Variants in PLEKHD1 observed in about 807,000 individuals in gnomAD.
PLEKHD1 encodes the protein pleckstrin homology domain-containing family D member 1.
PLEKHD1 carries 51 observed loss-of-function variants against 69.2 expected under a neutral mutation model. The ratio of observed to expected loss-of-function variants is 0.74; its 90% confidence interval spans 0.59 to 0.93. PLEKHD1 has a LOEUF of 0.93. PLEKHD1 is among the 40% of genes least tolerant of loss of function. The pLI is 0.00. For synonymous variants in PLEKHD1, 236 were observed against 244.7 expected (o/e 0.96, Z 0.33); for missense variants, 584 against 641.0 (o/e 0.91, Z 0.96).
upstream of PLEKHD1, among the ~76,000 whole-genome samples, chr14:69,482,629 G>A (rs562607122): frequency 2.6e-5 from 4 of 152,306 alleles, no homozygotes; most frequent in East Asian, 1.9e-4. Context: ...CCCAAGGCAC[G>A]TCAGATGCAT....
At chr14:69,471,790 CGA>C in the PLEKHD1 span, among the ~76,000 whole-genome samples, 1 of 152,042 alleles carries the variant, frequency 6.6e-6, no homozygotes, top group Non-Finnish European at 1.5e-5. Context: ...AGTATTTGGC[CGA>C]GAGATGTCAA....
intron 6 of PLEKHD1, among the ~76,000 whole-genome samples, chr14:69,515,336 A>G (rs914353808): frequency 6.6e-6 from 1 of 152,114 alleles, no homozygotes; most frequent in African/African-American, 2.4e-5. Context: ...CCTCCCTAAG[A>G]TTGGCCCCCC....
chr14:69,493,329 G>T (rs1039099403), intron 1 of PLEKHD1, among the ~76,000 whole-genome samples: 2 of 152,234 alleles, frequency 1.3e-5, no homozygotes, highest in South Asian at 2.1e-4. Flanking sequence ...AGCACAGCAG[G>T]TGAGAACTTG....
At position 69,526,680 on chromosome 14, in the gene PLEKHD1, C is replaced by G; in HGVS notation, c.924-17C>G. 1 of 1,474,268 alleles carries G rather than the reference C, an allele frequency of 6.8e-7. No homozygotes were observed. Among genetic ancestry groups the G allele is most frequent in the South Asian group, 1.4e-5 (1 of 72,896 alleles). 91.3% of individuals were successfully genotyped at this position (1,474,268 alleles called of 1,614,324 possible). A position where few individuals can be genotyped will look rare whatever the true frequency, so the allele number is the denominator to read the frequency against. On this transcript the variant is annotated splice_polypyrimidine_tract_variant and intron_variant, in intron 9 of 12. Coordinates refer to ENST00000322564, the MANE Select transcript of PLEKHD1 (RefSeq NM_001161498.2). The stretch of plus-strand genomic sequence containing the variant: ...TGGCGAGTGAGCATTGAGAAAGTGC[C>G]TCTTCTGTCCCTACAGGATGAAGGA...
intron 1 of PLEKHD1, among the ~76,000 whole-genome samples, chr14:69,496,845 C>A (rs1882900655): frequency 6.6e-6 from 1 of 151,926 alleles, no homozygotes; most frequent in African/African-American, 2.4e-5. Context: ...CTGTACCCAG[C>A]CAGGAAAGAG....
rs755435885 is a variant in PLEKHD1 at position 69,484,945 on chromosome 14, G to C, written c.-21G>C. 1.3e-6 allele frequency: 2 copies of C among 1,548,474 alleles called. No homozygotes were observed. On this transcript the variant is annotated 5_prime_UTR_variant, in exon 1 of 13. Transcript: ENST00000322564. ...CCCGGGGAGGTGGGGTCCGGGCCGG[G>C]CACAGCCCCGCTGAGGCAGGATGTT...
chr14:69,500,961 G>C lies in PLEKHD1; in HGVS notation c.410+14G>C, dbSNP rs1467938208. Reference sequence around the variant, plus strand: ...GTCTGGGAAGGTGTAAGTGCTCACAGCCAGGAGGGCAGCCTGCAGATCCAG... The same window carrying C: ...GTCTGGGAAGGTGTAAGTGCTCACACCCAGGAGGGCAGCCTGCAGATCCAG... On this transcript the variant is annotated intron_variant, in intron 4 of 12. Coordinates refer to ENST00000322564, the MANE Select transcript of PLEKHD1 (RefSeq NM_001161498.2). 1 of 1,551,222 alleles carries C rather than the reference G, an allele frequency of 6.4e-7. No individual in the cohort carries two copies. The highest frequency in any genetic ancestry group is 1.2e-5 in the South Asian group (1 of 84,062).
At chr14:69,492,917 G>A (rs1163894665) in intron 1 of PLEKHD1, among the ~76,000 whole-genome samples, 3 of 152,032 alleles carry the variant, frequency 2.0e-5, no homozygotes, top group East Asian at 1.9e-4. Context: ...CCACAGGCAC[G>A]AGCTACCATA....
chr14:69,494,429 A>G (rs1389823357), intron 1 of PLEKHD1, among the ~76,000 whole-genome samples: 1 of 152,206 alleles, frequency 6.6e-6, no homozygotes, highest in African/African-American at 2.4e-5. Context: ...AAGTAGGTGT[A>G]GGGACTATTG....
At chr14:69,526,412 A>G (rs1485738613) in intron 9 of PLEKHD1, among the ~76,000 whole-genome samples, 1 of 152,096 alleles carries the variant, frequency 6.6e-6, no homozygotes, top group Non-Finnish European at 1.5e-5. Flanking sequence ...CCCTTTTACA[A>G]ATGAGGAAAT....
chr14:69,502,701 G>A (rs1469538540), intron 5 of PLEKHD1, 126 bp from the exon 6 acceptor site: 4 of 1,236,168 alleles, frequency 3.2e-6, no homozygotes, highest in Non-Finnish European at 4.6e-6. Flanking sequence ...GGCTGGCAGG[G>A]CTGCAGGCCC....
chr14:69,482,908 AAAG>A (rs1183395273), upstream of PLEKHD1, among the ~76,000 whole-genome samples: 47 of 146,976 alleles, frequency 3.2e-4, no homozygotes, highest in African/African-American at 1.1e-3. Flanking sequence ...AAAAAAAAAG[AAAG>A]AAAGAAAAAA....
At chr14:69,498,602 T>TCTTCTCTTCTCTTCTCTTCC (rs1882946154) in intron 1 of PLEKHD1, among the ~76,000 whole-genome samples, 3 of 108,736 alleles carry the variant, frequency 2.8e-5, no homozygotes, top group South Asian at 3.4e-4. Context: ...TCTTCTCTTC[T>TCTTCTCTTCTCTTCTCTTCC]CTTCTCTTCT....
chr14:69,522,139 C>T (rs1883529255), intron 6 of PLEKHD1, 144 bp from the exon 7 acceptor site: 2 of 719,980 alleles, frequency 2.8e-6, no homozygotes, highest in Admixed American at 5.7e-5. Flanking sequence ...GCCAGCGGGC[C>T]TTAGAACTTA....
At chr14:69,511,203 G>A (rs905416410) in intron 6 of PLEKHD1, among the ~76,000 whole-genome samples, 10 of 152,162 alleles carry the variant, frequency 6.6e-5, no homozygotes, top group Non-Finnish European at 1.3e-4. Flanking sequence ...TGTTGTCCAG[G>A]CTAGAGTTGC....
chr14:69,484,239 A>G (rs978007342), upstream of PLEKHD1, among the ~76,000 whole-genome samples: 1 of 152,196 alleles, frequency 6.6e-6, no homozygotes, highest in Non-Finnish European at 1.5e-5. Context: ...GGCATCAGGC[A>G]TCGCCACTTC....
At chr14:69,469,570 T>C in the PLEKHD1 span, among the ~76,000 whole-genome samples, 2 of 152,096 alleles carry the variant, frequency 1.3e-5, no homozygotes, top group Non-Finnish European at 1.5e-5. Flanking sequence ...CCAGCATGCC[T>C]GGATAATTTT....
intron 10 of PLEKHD1, 23 bp from the exon 11 acceptor site, chr14:69,527,165 C>T (rs1327619943): frequency 2.6e-6 from 4 of 1,513,116 alleles, no homozygotes; most frequent in Non-Finnish European, 3.5e-6. Flanking sequence ...ACTTCCTTCT[C>T]ATTTCCCTCT....
intron 6 of PLEKHD1, among the ~76,000 whole-genome samples, chr14:69,517,153 C>T (rs569720387): frequency 1.3e-5 from 2 of 151,352 alleles, no homozygotes; most frequent in South Asian, 2.1e-4. Context: ...GGGGGCAATA[C>T]GAACTGGACT....
Sources: allele counts gnomAD v4.1 joint callset (sites outside exome capture counted in the v4.1 genomes callset), GRCh38; gene constraint gnomAD v4.1.1; transcripts MANE v1.5; gene names NCBI Gene and HGNC (gene_info 2026-07-23, HGNC 2026-07-21).